The following PLCB1 variants were observed in gnomAD, a reference collection of about 807,000 sequenced individuals.
PLCB1 encodes the protein phospholipase C beta 1.
A neutral mutation model predicts 161.8 loss-of-function variants in PLCB1; 46 were observed. That is an observed-to-expected ratio of 0.28 (90% CI 0.22 to 0.36). The LOEUF is 0.36. Among genes scored for constraint, PLCB1 ranks in the 10% least tolerant of loss-of-function variants. PLCB1 has a pLI of 1.00. For synonymous variants in PLCB1, 517 were observed against 503.7 expected (o/e 1.03, Z -0.35); for missense variants, 1,016 against 1,472.5 (o/e 0.69, Z 5.07).
chr20:8,220,191 A>G (rs1600242362), intron 2 of PLCB1, among the ~76,000 whole-genome samples: 1 of 152,292 alleles, frequency 6.6e-6, no homozygotes, highest in East Asian at 1.9e-4. Context: ...TGCGATTGGT[A>G]TCACATGCCC....
intron 2 of PLCB1, among the ~76,000 whole-genome samples, chr20:8,189,324 A>T (rs946058805): frequency 4.8e-5 from 7 of 145,198 alleles, no homozygotes; most frequent in South Asian, 2.2e-4. Flanking sequence ...TAACTATTTT[A>T]ATATATATAT....
At chr20:8,818,814 G>A (rs1985196937) in intron 31 of PLCB1, among the ~76,000 whole-genome samples, 1 of 151,948 alleles carries the variant, frequency 6.6e-6, no homozygotes, top group African/African-American at 2.4e-5. Flanking sequence ...GGTGGCATGT[G>A]CTTGTAATCC....
rs117891006 is a variant in PLCB1 at position 8,411,916 on chromosome 20, G to C, written c.246+40466G>C. Among the ~76,000 whole-genome samples the C allele has an allele frequency of 4.8e-3, 724 of 152,142 alleles. 40 individuals carry two copies. The East Asian group carries it at 0.11, about 23-fold the overall frequency. On this transcript the variant is annotated intron_variant, in intron 3 of 31. Coordinates refer to ENST00000338037, the MANE Select transcript of PLCB1 (RefSeq NM_015192.4). ...CGCATGCCTGTAATTCCAGCTTCTT[G>C]AGAGACTGAGGCAGGAGAATCGCTT...
chr20:8,159,988 C>CAAAAAAAAAAA (rs375028388), intron 2 of PLCB1, among the ~76,000 whole-genome samples: 2 of 79,328 alleles, frequency 2.5e-5, no homozygotes, highest in Non-Finnish European at 5.0e-5. Flanking sequence ...AACTCCATCT[C>CAAAAAAAAAAA]AAAAAAAAAA....
chr20:8,490,135 C>G (rs891685138), intron 3 of PLCB1, among the ~76,000 whole-genome samples: 3 of 152,200 alleles, frequency 2.0e-5, no homozygotes, highest in African/African-American at 4.8e-5. Context: ...CTGAGCCTCT[C>G]TCTTCAAAAG....
intron 2 of PLCB1, among the ~76,000 whole-genome samples, chr20:8,306,589 C>T (rs1032254599): frequency 1.3e-5 from 2 of 152,240 alleles, no homozygotes; most frequent in Admixed American, 6.5e-5. Context: ...TGGAATCAAG[C>T]GAAGTAATGT....
chr20:8,387,381 AAAGAT>A (rs1336430869), intron 3 of PLCB1, among the ~76,000 whole-genome samples: 1 of 152,160 alleles, frequency 6.6e-6, no homozygotes, highest in Non-Finnish European at 1.5e-5. Context: ...GGAGAGGGAG[AAAGAT>A]AAGGGAACAG....
chr20:8,389,477 G>C (rs1240994536), intron 3 of PLCB1, among the ~76,000 whole-genome samples: 1 of 152,156 alleles, frequency 6.6e-6, no homozygotes, highest in Non-Finnish European at 1.5e-5. Context: ...GCCCAGAGTG[G>C]ACCTGTTGTT....
At chr20:8,176,369 G>A (rs778485725) in intron 2 of PLCB1, among the ~76,000 whole-genome samples, 47 of 152,164 alleles carry the variant, frequency 3.1e-4, no homozygotes, top group Non-Finnish European at 6.3e-4. Flanking sequence ...TATGCTGAAT[G>A]GAAAAAGCCA....
chr20:8,659,056 C>G (rs534738617), intron 9 of PLCB1, among the ~76,000 whole-genome samples: 1 of 151,964 alleles, frequency 6.6e-6, no homozygotes, highest in East Asian at 1.9e-4. Context: ...GTGAAGTGGC[C>G]CACAAGTTTT....
At chr20:8,669,872 A>G (rs1989902245) in intron 9 of PLCB1, among the ~76,000 whole-genome samples, 2 of 152,208 alleles carry the variant, frequency 1.3e-5, no homozygotes, top group Admixed American at 1.3e-4. Flanking sequence ...AAGAGATGTA[A>G]ATAAAGTGAA....
intron 3 of PLCB1, among the ~76,000 whole-genome samples, chr20:8,578,176 G>A (rs1256894160): frequency 1.3e-5 from 2 of 152,122 alleles, no homozygotes; most frequent in Non-Finnish European, 2.9e-5. Context: ...GTGTCTTTCA[G>A]ACACCAACCC....
At chr20:8,311,528 A>T (rs954190001) in intron 2 of PLCB1, among the ~76,000 whole-genome samples, 16 of 152,204 alleles carry the variant, frequency 1.1e-4, no homozygotes, top group Non-Finnish European at 2.2e-4. Context: ...GAAACGAGAG[A>T]AAAGGCATCT....
chr20:8,543,486 T>G (rs1163339157), intron 3 of PLCB1, among the ~76,000 whole-genome samples: 2 of 152,206 alleles, frequency 1.3e-5, no homozygotes, highest in South Asian at 4.1e-4. Context: ...ACAAGAAACT[T>G]TTAAGGGTAA....
intron 24 of PLCB1, among the ~76,000 whole-genome samples, chr20:8,757,992 T>G (rs969037256): frequency 6.6e-6 from 1 of 152,034 alleles, no homozygotes; most frequent in East Asian, 1.9e-4. Context: ...TTTACCCCAG[T>G]AGATGGGAGG....
chr20:8,371,349 G>A (rs201308201), intron 2 of PLCB1, 33 bp from the exon 3 acceptor site: 310 of 1,509,504 alleles, frequency 2.1e-4, no homozygotes, highest in African/African-American at 1.1e-3. Flanking sequence ...GGTCTGTGTC[G>A]TTGCTTAACG....
chr20:8,258,346 T>C (rs1166589698), intron 2 of PLCB1, among the ~76,000 whole-genome samples: 2 of 152,164 alleles, frequency 1.3e-5, no homozygotes, highest in Non-Finnish European at 2.9e-5. Flanking sequence ...AAAGCATTGA[T>C]TGATTGTGGA....
At chr20:8,774,858 G>A (rs1307718939) in intron 27 of PLCB1, 139 bp downstream of exon 27, 3 of 572,876 alleles carry the variant, frequency 5.2e-6, no homozygotes, top group Non-Finnish European at 9.2e-6. Context: ...GTGACACAGT[G>A]TCCATCACAC....
At chr20:8,799,893 A>C (rs1458093753) in intron 31 of PLCB1, among the ~76,000 whole-genome samples, 1 of 152,224 alleles carries the variant, frequency 6.6e-6, no homozygotes, top group Non-Finnish European at 1.5e-5. Context: ...AAATAGTGTT[A>C]TACTGTATTG....
Sources: allele counts gnomAD v4.1 joint callset (sites outside exome capture counted in the v4.1 genomes callset), GRCh38; gene constraint gnomAD v4.1.1; transcripts MANE v1.5; gene names NCBI Gene and HGNC (gene_info 2026-07-23, HGNC 2026-07-21).